The following RGS7BP variants were observed in gnomAD, a reference collection of about 807,000 sequenced individuals.
RGS7BP encodes the protein regulator of G protein signaling 7-binding protein.
In RGS7BP, 9 loss-of-function variants were observed where a neutral mutation model predicts 31.3. The observed-to-expected ratio is 0.29, with a 90% CI of 0.17 to 0.50. The LOEUF (loss-of-function observed/expected upper bound fraction) is 0.50. Ranked by LOEUF, RGS7BP falls within the 20% of genes least tolerant of loss-of-function variation. The pLI is 0.98. For synonymous variants in RGS7BP, 115 were observed against 120.1 expected, an observed-to-expected ratio of 0.96 and a Z score of 0.28; for missense variants, 274 against 322.0, an observed-to-expected ratio of 0.85 and a Z score of 1.14.
chr5:64,569,053 A>G (rs188438696), intron 2 of RGS7BP, among the ~76,000 whole-genome samples: 1 of 152,248 alleles, frequency 6.6e-6, no homozygotes, highest in African/African-American at 2.4e-5. Context: ...AGTAGCCACC[A>G]AAAGAAAATT....
intron 2 of RGS7BP, among the ~76,000 whole-genome samples, chr5:64,552,246 C>G (rs1741812169): frequency 6.6e-6 from 1 of 152,050 alleles, no homozygotes. Context: ...GTATTTTAAA[C>G]TGTATCTATT....
chr5:64,577,357 G>A (rs574236334), intron 3 of RGS7BP, among the ~76,000 whole-genome samples: 10 of 152,186 alleles, frequency 6.6e-5, no homozygotes, highest in African/African-American at 2.4e-4. Flanking sequence ...CAGGAGAATG[G>A]CATGAACCTG....
At chr5:64,529,081 A>C (rs375214262) in intron 2 of RGS7BP, among the ~76,000 whole-genome samples, 49 of 152,182 alleles carry the variant, frequency 3.2e-4, no homozygotes, top group Non-Finnish European at 6.3e-4. Context: ...TAGCTTTAAC[A>C]ATCTGGGATA....
intron 2 of RGS7BP, among the ~76,000 whole-genome samples, chr5:64,551,506 G>A (rs891899070): frequency 4.6e-5 from 7 of 151,680 alleles, no homozygotes; most frequent in Admixed American, 2.0e-4. Flanking sequence ...CAAGCCATCA[G>A]CCGGCCTTAG....
At chr5:64,586,702 G>A (rs1411225549) in intron 3 of RGS7BP, among the ~76,000 whole-genome samples, 1 of 152,202 alleles carries the variant, frequency 6.6e-6, no homozygotes, top group Non-Finnish European at 1.5e-5. Context: ...CTAGCACCTA[G>A]CAGAGTGCCT....
In RGS7BP at chr5:64,610,031, C is replaced by T. The variant is rs1743464037; in HGVS notation, c.*779C>T. The T allele has an allele frequency of 6.6e-6, 1 of 152,328 alleles. No individual in the cohort carries two copies. The highest frequency in any genetic ancestry group is 1.5e-5 in the Non-Finnish European group (1 of 67,936). The allele number at this position is 152,328 out of a possible 1,614,324, so 9.4% of individuals were successfully genotyped here. ...ATGGTGTAGTAACATATACAATTGC[C>T]CTCAAATGTAAAATCAAATATTATT... On this transcript the variant is annotated 3_prime_UTR_variant, in exon 6 of 6. Transcript: ENST00000334025.
chr5:64,506,840 G>A lies in RGS7BP; in HGVS notation c.165+51G>A. ...TTTTTTTTTTAATTGAGAGGGGGTGGGGGGAGTCATGTATGTTAATCATTT... is the reference window on the plus strand; with the variant it reads ...TTTTTTTTTTAATTGAGAGGGGGTGAGGGGAGTCATGTATGTTAATCATTT... On this transcript the variant is annotated intron_variant, in intron 1 of 5. Transcript: ENST00000334025. This position sits in a 1 kb window ranked among gnomAD's most constrained non-coding sequence, Gnocchi z 4.6. The A allele has an allele frequency of 6.6e-7, 1 of 1,509,988 alleles. No homozygotes were observed. Among genetic ancestry groups the A allele is most frequent in the Non-Finnish European group, 8.9e-7 (1 of 1,118,814 alleles). 93.5% of individuals were successfully genotyped at this position (1,509,988 alleles called of 1,614,324 possible). A position where few individuals can be genotyped will look rare whatever the true frequency, so the allele number is the denominator to read the frequency against.
intron 2 of RGS7BP, among the ~76,000 whole-genome samples, chr5:64,549,302 A>G (rs970896896): frequency 4.6e-5 from 7 of 152,260 alleles, no homozygotes; most frequent in African/African-American, 1.4e-4. Flanking sequence ...ACAGGTCCCA[A>G]TCAAGTCCAA....
At chr5:64,590,645 T>C (rs1375660256) in intron 3 of RGS7BP, among the ~76,000 whole-genome samples, 5 of 152,152 alleles carry the variant, frequency 3.3e-5, no homozygotes, top group Admixed American at 3.3e-4. Flanking sequence ...TGATAGTAAT[T>C]TATAGTTTCC....
intron 2 of RGS7BP, among the ~76,000 whole-genome samples, chr5:64,509,692 G>A (rs1748781995): frequency 2.0e-5 from 3 of 152,140 alleles, no homozygotes; most frequent in Middle Eastern, 3.4e-3. Context: ...GGCTTGAGGT[G>A]GATTTTATTT....
chr5:64,592,251 T>C (rs769304085), intron 3 of RGS7BP, among the ~76,000 whole-genome samples: 49 of 152,166 alleles, frequency 3.2e-4, no homozygotes, highest in Non-Finnish European at 6.2e-4. Context: ...TGCAGGGATT[T>C]TGTGAGCTGA....
chr5:64,587,886 C>T (rs914994899), intron 3 of RGS7BP, among the ~76,000 whole-genome samples: 1 of 152,022 alleles, frequency 6.6e-6, no homozygotes, highest in African/African-American at 2.4e-5. Flanking sequence ...TTGACACACC[C>T]CCTTCTCCAT....
chr5:64,581,398 G>T (rs1464931992), intron 3 of RGS7BP, among the ~76,000 whole-genome samples: 1 of 152,096 alleles, frequency 6.6e-6, no homozygotes, highest in Non-Finnish European at 1.5e-5. Flanking sequence ...TTTTCATTAG[G>T]ATGAGATACT....
At chr5:64,595,164 T>C (rs972023679) in intron 4 of RGS7BP, among the ~76,000 whole-genome samples, 4 of 152,168 alleles carry the variant, frequency 2.6e-5, no homozygotes, top group African/African-American at 9.7e-5. Flanking sequence ...ATGAGAACAG[T>C]GTGCTGCCTT....
intron 2 of RGS7BP, among the ~76,000 whole-genome samples, chr5:64,554,611 CG>C (rs1475870191): frequency 6.6e-6 from 1 of 152,038 alleles, no homozygotes; most frequent in Non-Finnish European, 1.5e-5. Context: ...CAATACATCT[CG>C]GGAATCTACA....
chr5:64,559,854 T>C (rs1742011246), intron 2 of RGS7BP, among the ~76,000 whole-genome samples: 1 of 152,246 alleles, frequency 6.6e-6, no homozygotes, highest in East Asian at 1.9e-4. Flanking sequence ...AACATACATG[T>C]GGGATTTTAA....
chr5:64,546,613 T>C (rs957432029), intron 2 of RGS7BP, among the ~76,000 whole-genome samples: 3 of 152,116 alleles, frequency 2.0e-5, no homozygotes, highest in African/African-American at 7.2e-5. Context: ...CAGACATCTT[T>C]GAAAGAACTT....
chr5:64,605,818 T>TGA, intron 5 of RGS7BP, among the ~76,000 whole-genome samples: 1 of 151,644 alleles, frequency 6.6e-6, no homozygotes, highest in East Asian at 1.9e-4. Context: ...TATTCACTTG[T>TGA]GAGAGAGATA....
Position 64,577,210 on chromosome 5 carries a change from G to A in RGS7BP, c.463+1306G>A, listed in dbSNP as rs183321037. Among the ~76,000 whole-genome samples the A allele has an allele frequency of 8.7e-3, 1,319 of 152,036 alleles. 21 individuals carry two copies. The highest frequency in any genetic ancestry group is 0.031 in the African/African-American group (1,269 of 41,466). The stretch of plus-strand genomic sequence containing the variant: ...TCCCAGCGCTTTGGGAGGCTGAGGC[G>A]GGCAGATCACGAGGTCAGGAGATTG... On this transcript the variant is annotated intron_variant, in intron 3 of 5. Coordinates refer to ENST00000334025, the MANE Select transcript of RGS7BP (RefSeq NM_001029875.3).
Sources: allele counts gnomAD v4.1 joint callset (sites outside exome capture counted in the v4.1 genomes callset), GRCh38; gene constraint gnomAD v4.1.1; non-coding constraint Gnocchi (gnomAD v3.1); transcripts MANE v1.5; gene names NCBI Gene and HGNC (gene_info 2026-07-23, HGNC 2026-07-21).